The following ZNF385D variants were observed in gnomAD, a reference collection of about 807,000 sequenced individuals.
ZNF385D encodes zinc finger protein 385D.
In ZNF385D, 15 loss-of-function variants were observed where a neutral mutation model predicts 35.8. The ratio of observed to expected loss-of-function variants is 0.42; its 90% CI spans 0.28 to 0.64. ZNF385D has a LOEUF of 0.64. Among genes scored for constraint, ZNF385D ranks in the 30% least tolerant of loss-of-function variants. ZNF385D has a pLI of 0.23. For missense variants in ZNF385D, 474 were observed against 494.6 expected, an observed-to-expected ratio of 0.96 and a Z score of 0.39; for synonymous variants, 212 against 186.8, an observed-to-expected ratio of 1.13 and a Z score of -1.10.
intron 2 of ZNF385D, among the ~76,000 whole-genome samples, chr3:22,306,295 G>A (rs556879380): frequency 1.4e-4 from 21 of 152,024 alleles, no homozygotes; most frequent in African/African-American, 4.3e-4. Context: ...TTGTCTAATG[G>A]ATATAAAATA....
chr3:21,939,577 A>C (rs1701419562), intron 3 of ZNF385D, among the ~76,000 whole-genome samples: 2 of 152,236 alleles, frequency 1.3e-5, no homozygotes, highest in Non-Finnish European at 2.9e-5. Flanking sequence ...TCCTAAATAT[A>C]GTATAGAAGG....
intron 4 of ZNF385D, among the ~76,000 whole-genome samples, chr3:21,493,799 C>A (rs1705613661): frequency 6.6e-6 from 1 of 152,078 alleles, no homozygotes; most frequent in Non-Finnish European, 1.5e-5. Flanking sequence ...TACTAAAGAT[C>A]ACCTTAGTTG....
chr3:22,358,776 A>C (rs1386737876), intron 2 of ZNF385D, among the ~76,000 whole-genome samples: 1 of 151,722 alleles, frequency 6.6e-6, no homozygotes, highest in Non-Finnish European at 1.5e-5. Context: ...AGCAAGGAAA[A>C]ATTTAGAATG....
chr3:22,120,717 C>A (rs1349059211), intron 3 of ZNF385D, among the ~76,000 whole-genome samples: 1 of 152,108 alleles, frequency 6.6e-6, no homozygotes, highest in African/African-American at 2.4e-5. Context: ...ATAGTGCTAT[C>A]ACTTATTTCA....
chr3:21,638,731 C>T (rs1453155747), intron 2 of ZNF385D, among the ~76,000 whole-genome samples: 2 of 152,116 alleles, frequency 1.3e-5, no homozygotes, highest in Non-Finnish European at 2.9e-5. Flanking sequence ...TGGTTTTGTA[C>T]ATAGAAAGCT....
chr3:21,449,980 G>T (rs932712386), intron 4 of ZNF385D, among the ~76,000 whole-genome samples: 24 of 152,216 alleles, frequency 1.6e-4, no homozygotes, highest in African/African-American at 5.8e-4. Flanking sequence ...CAGGGCTGGG[G>T]AAAGAAGTCA....
At chr3:22,339,503 A>C (rs1695326021) in intron 2 of ZNF385D, among the ~76,000 whole-genome samples, 2 of 152,190 alleles carry the variant, frequency 1.3e-5, no homozygotes, top group African/African-American at 4.8e-5. Context: ...TAAAGTACAT[A>C]TGCAGTATAG....
At chr3:21,568,179 TTAA>T (rs1300563885) in intron 2 of ZNF385D, among the ~76,000 whole-genome samples, 1 of 95,202 alleles carries the variant, frequency 1.1e-5, no homozygotes, top group Non-Finnish European at 2.1e-5. Context: ...AATATCTTTA[TTAA>T]TAACAATAAA....
intron 3 of ZNF385D, among the ~76,000 whole-genome samples, chr3:22,167,097 AC>A (rs1193486424): frequency 6.6e-6 from 1 of 152,214 alleles, no homozygotes; most frequent in Non-Finnish European, 1.5e-5. Flanking sequence ...GTGAAACCCC[AC>A]CTCCAAGCCA....
At chr3:22,236,706 ACTCT>A (rs1699203119) in intron 2 of ZNF385D, among the ~76,000 whole-genome samples, 1 of 152,018 alleles carries the variant, frequency 6.6e-6, no homozygotes, top group African/African-American at 2.4e-5. Flanking sequence ...ATTAGCAGTC[ACTCT>A]CTATTCCTAT....
chr3:21,801,710 C>G (rs954686132), intron 3 of ZNF385D, among the ~76,000 whole-genome samples: 7 of 152,254 alleles, frequency 4.6e-5, no homozygotes, highest in African/African-American at 1.7e-4. Context: ...ACTGCAGCCC[C>G]TGGGTGCCCA....
At chr3:21,880,797 T>G (rs1698237730) in intron 3 of ZNF385D, among the ~76,000 whole-genome samples, 2 of 151,950 alleles carry the variant, frequency 1.3e-5, no homozygotes, top group Admixed American at 1.3e-4. Context: ...GGAAAACTTC[T>G]TGAAAAAAAT....
rs2062353895 is a variant in ZNF385D, at chr3:21,545,869, T to G, written c.276+18705A>C. Among the ~76,000 whole-genome samples the G allele has an allele frequency of 2.0e-5, 3 of 152,282 alleles. No individual in the cohort carries two copies. The South Asian group carries it at 6.2e-4, about 32-fold the overall frequency. On this transcript the variant is annotated intron_variant, in intron 3 of 7. Transcript: ENST00000281523. ...ATCTTGGGACCTCAAGAGGAGAGGA[T>G]CACCCAGCTCACAGGTTTTTGAGGA...
Position 21,987,961 on chromosome 3 carries a change from T to C in ZNF385D, c.325+180856A>G, listed in dbSNP as rs1035376553. 1.5e-4 allele frequency among the ~76,000 whole-genome samples: 22 copies of C among 147,528 alleles called. 3 individuals carry two copies. The South Asian group carries it at 1.7e-3, about 11-fold the overall frequency. On this transcript the variant is annotated intron_variant, in intron 3 of 5. Coordinates refer to the ZNF385D transcript ENST00000494108. ...TACCCTTTCTTCCAGTTGATTGCATTGGCTCCTGAAGCTTCTGCATTCTTC... is the reference window on the plus strand; with the variant it reads ...TACCCTTTCTTCCAGTTGATTGCATCGGCTCCTGAAGCTTCTGCATTCTTC...
At chr3:21,792,051 T>C (rs1311248079) in intron 3 of ZNF385D, among the ~76,000 whole-genome samples, 8 of 152,170 alleles carry the variant, frequency 5.3e-5, no homozygotes, top group Admixed American at 5.2e-4. Flanking sequence ...TTTTATATTC[T>C]ATTTGGTCTT....
intron 3 of ZNF385D, among the ~76,000 whole-genome samples, chr3:21,901,243 C>T (rs1699399137): frequency 6.6e-6 from 1 of 152,186 alleles, no homozygotes. Flanking sequence ...TCCCAAAGTG[C>T]TGGGATTACA....
chr3:21,993,916 G>A lies in ZNF385D; in HGVS notation c.325+174901C>T, dbSNP rs562032028. ...CTGCTTTTTTCCAATGCCAAACCAA[G>A]CATTCATCATGTCCCCTCAATTAAG... On this transcript the variant is annotated intron_variant, in intron 3 of 5. Coordinates refer to the ZNF385D transcript ENST00000494108. Among the ~76,000 whole-genome samples the A allele has an allele frequency of 7.9e-5, 12 of 152,246 alleles. No individual in the cohort carries two copies. In the South Asian group the frequency reaches 8.3e-4, roughly 11 times the overall value.
At chr3:21,971,882 T>C (rs1464888727) in intron 3 of ZNF385D, among the ~76,000 whole-genome samples, 4 of 151,816 alleles carry the variant, frequency 2.6e-5, no homozygotes, top group African/African-American at 4.8e-5. Flanking sequence ...CTATATGTAA[T>C]GATAAAGGGA....
At chr3:22,043,036 C>G (rs1275314944) in intron 3 of ZNF385D, among the ~76,000 whole-genome samples, 2 of 152,146 alleles carry the variant, frequency 1.3e-5, no homozygotes, top group Admixed American at 6.6e-5. Context: ...AGGCTCCAAA[C>G]TGAGAAGTCC....
Sources: allele counts gnomAD v4.1 joint callset (sites outside exome capture counted in the v4.1 genomes callset), GRCh38; gene constraint gnomAD v4.1.1; transcripts MANE v1.5; gene names NCBI Gene and HGNC (gene_info 2026-07-23, HGNC 2026-07-21).